Variants in ARHGEF2 observed in about 807,000 individuals in gnomAD.
The protein encoded by ARHGEF2 is rho guanine nucleotide exchange factor 2.
A neutral mutation model predicts 121.0 loss-of-function variants in ARHGEF2; 22 were observed. That is an observed-to-expected ratio of 0.18 (90% confidence interval 0.13 to 0.26). The LOEUF is 0.26. Ranked by LOEUF, ARHGEF2 falls within the 10% of genes least tolerant of loss-of-function variation. ARHGEF2 has a pLI of 1.00. For missense variants in ARHGEF2, 907 were observed against 1,336.0 expected (o/e 0.68, Z 5.01); for synonymous variants, 487 against 530.0 (o/e 0.92, Z 1.11).
At chr1:155,953,227 C>T (rs1253832176) in intron 14 of ARHGEF2, among the ~76,000 whole-genome samples, 1 of 148,390 alleles carries the variant, frequency 6.7e-6, no homozygotes, top group Non-Finnish European at 1.5e-5. Context: ...GATCACACCA[C>T]TGCACTCCAG....
chr1:155,951,291 C>T lies in ARHGEF2; in HGVS notation c.2260-19G>A, dbSNP rs1675403927. 4 of 1,587,908 alleles carry T rather than the reference C, an allele frequency of 2.5e-6. No homozygotes were observed. The highest frequency in any genetic ancestry group is 1.3e-5 in the African/African-American group (1 of 74,272). ...CAGCTGCCTGGGAGTAGAATGCAGG[C>T]AGAAGGGTTTATCAGAACCCCTGTG... On this transcript the variant is annotated intron_variant, in intron 19 of 21. Transcript: ENST00000361247. The surrounding 1 kb of genome is among the most constrained non-coding windows in gnomAD (Gnocchi z 5.1).
rs934672015 is a variant in ARHGEF2, at chr1:155,951,421, C to T, written c.2259+62G>A. On this transcript the variant is annotated intron_variant, in intron 19 of 21. Coordinates refer to ENST00000361247, the MANE Select transcript of ARHGEF2 (RefSeq NM_001162383.2). This position sits in a 1 kb window ranked among gnomAD's most constrained non-coding sequence, Gnocchi z 5.1. ...GGCCTGTTGGGATGACCATGCCCCACCTAAACAGGCATCTCTAGCCTGGCT... is the reference window on the plus strand; with the variant it reads ...GGCCTGTTGGGATGACCATGCCCCATCTAAACAGGCATCTCTAGCCTGGCT... 3.1e-6 allele frequency: 5 copies of T among 1,604,922 alleles called. No individual in the cohort carries two copies. The African/African-American group carries it at 6.7e-5, about 21-fold the overall frequency.
Position 155,950,311 on chromosome 1 carries a change from G to T in ARHGEF2, c.2875C>A (p.His959Asn). ...GCCAGGGTCTCACCTCGTGGACTGT[G>T]GGGCGGAGACAGACGGCTGCTACCT... is the stretch of plus-strand genomic sequence containing the variant. ...EEGSSRLSPP[H>N]SPRDFTRMQD... is the part of the protein sequence containing the mutation. Residue 959 changes from histidine to asparagine, a missense_variant, in exon 21 of 22, where the codon CAC becomes AAC. By Grantham distance (68) the His-to-Asn change is moderately conservative (BLOSUM62 1). Transcript: ENST00000361247. The surrounding 1 kb of genome is among the most constrained non-coding windows in gnomAD (Gnocchi z 5.2). The T allele has an allele frequency of 1.2e-6, 2 of 1,612,874 alleles. No individual in the cohort carries two copies. Among genetic ancestry groups the T allele is most frequent in the Non-Finnish European group, 1.7e-6 (2 of 1,179,980 alleles).
Position 155,966,449 on chromosome 1 carries a change from T to C in ARHGEF2, c.307A>G (p.Thr103Ala). The change falls in exon 4 of 22, where the codon ACC (threonine) becomes GCC (alanine). Residue 103 changes from threonine to alanine, a missense_variant. This residue lies in a region of ARHGEF2 where 475 missense variants were observed against 776.5 expected (regional missense o/e 0.61). Transcript: ENST00000361247. ...QQKAALLKNN[T>A]ALQSVSLRSK... ...CGAAGAGAAACGGACTGCAAGGCGGTGTTGTTCTTCAGCAGGGCCGCTTTC... is the reference window on the plus strand; with the variant it reads ...CGAAGAGAAACGGACTGCAAGGCGGCGTTGTTCTTCAGCAGGGCCGCTTTC... 1.9e-6 allele frequency: 3 copies of C among 1,613,942 alleles called. No individual in the cohort carries two copies. Among genetic ancestry groups the C allele is most frequent in the Non-Finnish European group, 2.5e-6 (3 of 1,179,962 alleles).
rs1030774148 is a variant in ARHGEF2 at position 155,978,362 on chromosome 1, C to T, written c.63+3G>A. On this transcript the variant is annotated splice_donor_region_variant and intron_variant, in intron 1 of 21. Coordinates refer to ENST00000361247, the MANE Select transcript of ARHGEF2 (RefSeq NM_001162383.2). This position sits in a 1 kb window ranked among gnomAD's most constrained non-coding sequence, Gnocchi z 4.1. ...GCGAAAGGAGAGGGGTTTCCGAGCCCACCTTGCTCGCCAGCTCTCTGCTCC... is the reference window on the plus strand; with the variant it reads ...GCGAAAGGAGAGGGGTTTCCGAGCCTACCTTGCTCGCCAGCTCTCTGCTCC... The T allele has an allele frequency of 3.3e-6, 5 of 1,512,448 alleles. No individual in the cohort carries two copies. In the Admixed American group the frequency reaches 1.0e-4, roughly 31 times the overall value. 93.7% of individuals were successfully genotyped at this position (1,512,448 alleles called of 1,614,324 possible).
rs761662977 is a variant in ARHGEF2, at chr1:155,972,220, T to C, written c.64-2920A>G. ...AATGCTCCACAGACAGCCCTGGTAC[T>C]CTGGGCCCTGCCTCCTCCACCTCCC... On this transcript the variant is annotated intron_variant, in intron 1 of 21. Coordinates refer to ENST00000361247, the MANE Select transcript of ARHGEF2 (RefSeq NM_001162383.2). 8.6e-6 allele frequency: 4 copies of C among 466,360 alleles called. No individual in the cohort carries two copies. In the East Asian group the frequency reaches 2.8e-4, roughly 32 times the overall value. 28.9% of individuals were successfully genotyped at this position (466,360 alleles called of 1,614,324 possible). A position where few individuals can be genotyped will look rare whatever the true frequency, so the allele number is the denominator to read the frequency against.
intron 1 of ARHGEF2, among the ~76,000 whole-genome samples, chr1:155,974,857 G>GA (rs895524155): frequency 6.6e-6 from 1 of 151,628 alleles, no homozygotes; most frequent in Non-Finnish European, 1.5e-5. Flanking sequence ...AAGAGAGGGG[G>GA]GGTAAGCGAT....
chr1:155,959,039 G>T (rs577534524), intron 11 of ARHGEF2, among the ~76,000 whole-genome samples: 1 of 152,090 alleles, frequency 6.6e-6, no homozygotes, highest in East Asian at 1.9e-4. Context: ...ACTGATTCAG[G>T]TTTCTTAACC....
intron 12 of ARHGEF2, 58 bp downstream of exon 12, chr1:155,958,262 G>T: frequency 6.8e-7 from 1 of 1,460,858 alleles, no homozygotes; most frequent in Non-Finnish European, 9.6e-7. Flanking sequence ...GGGCAGGAAA[G>T]CAAGAAGAGA....
At chr1:155,967,904 C>T (rs1406733826) in intron 2 of ARHGEF2, among the ~76,000 whole-genome samples, 5 of 152,142 alleles carry the variant, frequency 3.3e-5, no homozygotes, top group Non-Finnish European at 7.4e-5. Context: ...TCCACAAATA[C>T]AAGGCAAACA....
intron 7 of ARHGEF2, among the ~76,000 whole-genome samples, chr1:155,964,179 T>TATATAC (rs1678788953): frequency 1.9e-5 from 2 of 107,726 alleles, no homozygotes; most frequent in Non-Finnish European, 3.7e-5. Flanking sequence ...TATATATATA[T>TATATAC]ATATATATAT....
At chr1:155,967,901 A>G (rs1178580579) in intron 2 of ARHGEF2, among the ~76,000 whole-genome samples, 1 of 152,058 alleles carries the variant, frequency 6.6e-6, no homozygotes, top group African/African-American at 2.4e-5. Context: ...ACTTCCACAA[A>G]TACAAGGCAA....
At chr1:155,974,024 C>CT (rs879300909) in intron 1 of ARHGEF2, among the ~76,000 whole-genome samples, 36 of 145,514 alleles carry the variant, frequency 2.5e-4, no homozygotes, top group African/African-American at 3.5e-4. Context: ...TCTCATCTGA[C>CT]TTTTTTTTTT....
At chr1:155,948,223 A>G (rs2102622579) in intron 21 of ARHGEF2, among the ~76,000 whole-genome samples, 1 of 152,386 alleles carries the variant, frequency 6.6e-6, no homozygotes, top group Middle Eastern at 3.4e-3. Context: ...ACACTTTTAC[A>G]GTATCCAAAG....
chr1:155,971,058 TCTC>T (rs1281532509), intron 1 of ARHGEF2: 1 of 986,770 alleles, frequency 1.0e-6, no homozygotes, highest in Middle Eastern at 5.2e-4. Context: ...CCGCCACTGT[TCTC>T]CTCTCCCGCC....
chr1:155,952,254 A>C lies in ARHGEF2; in HGVS notation c.1985-19T>G, dbSNP rs1422047331. 1 of 1,613,350 alleles carries C rather than the reference A, an allele frequency of 6.2e-7. No individual in the cohort carries two copies. The highest frequency in any genetic ancestry group is 8.5e-7 in the Non-Finnish European group (1 of 1,179,970). On this transcript the variant is annotated intron_variant, in intron 15 of 21. Coordinates refer to ENST00000361247, the MANE Select transcript of ARHGEF2 (RefSeq NM_001162383.2). ...CCCTCCACTGTGGGGAAAGAGGAAG[A>C]GGTGAGAACAGGAATGACACAGGAC...
chr1:155,953,692 A>C (rs80325255), intron 14 of ARHGEF2, among the ~76,000 whole-genome samples: 1,620 of 148,170 alleles, frequency 0.011, 30 homozygotes, highest in African/African-American at 0.038. Flanking sequence ...CAGTGAGTCG[A>C]GATCACGCCA....
chr1:155,965,434 T>C lies in ARHGEF2; in HGVS notation c.471-22A>G, dbSNP rs1011155525. On this transcript the variant is annotated intron_variant, in intron 5 of 21. Coordinates refer to ENST00000361247, the MANE Select transcript of ARHGEF2 (RefSeq NM_001162383.2). The surrounding 1 kb of genome is among the most constrained non-coding windows in gnomAD (Gnocchi z 6.0). ...ATGTCTGAAGAAAGTGGAGGCTGTC[T>C]GCATCACCCCCAGTCGGGCAAAAGA... The C allele has an allele frequency of 6.2e-7, 1 of 1,610,348 alleles. No individual in the cohort carries two copies. The highest frequency in any genetic ancestry group is 1.7e-5 in the Admixed American group (1 of 60,010).
At position 155,950,475 on chromosome 1, in the gene ARHGEF2, C is replaced by T. The variant is rs1238289036; in HGVS notation, c.2711G>A (p.Arg904Gln). The T allele has an allele frequency of 5.6e-6, 9 of 1,613,606 alleles. No individual in the cohort carries two copies. The highest frequency in any genetic ancestry group is 2.2e-5 in the East Asian group (1 of 44,882). Residue 904 changes from arginine (R) to glutamine (Q), a missense_variant, in exon 21 of 22, where the codon CGA becomes CAA. This residue lies in a region of ARHGEF2 where 432 missense variants were observed against 559.5 expected (regional missense o/e 0.77). Coordinates refer to ENST00000361247, the MANE Select transcript of ARHGEF2 (RefSeq NM_001162383.2). The surrounding 1 kb of genome is among the most constrained non-coding windows in gnomAD (Gnocchi z 5.2). ...AGGTAGATCCAGGCGGTCAGTGCCT[C>T]GGCTGGGCTGTGGACAGTGGGCAGG... ...YLSFNPPQPSRGTDRLDLPVT... is the reference protein window; with the variant it reads ...YLSFNPPQPSQGTDRLDLPVT...
Sources: gnomAD v4.1 joint callset for allele counts (sites outside exome capture counted in the v4.1 genomes callset) on GRCh38, gnomAD v4.1.1 for gene constraint, gnomAD v4.1.1 regional missense constraint, Gnocchi (gnomAD v3.1) non-coding constraint, MANE v1.5 for transcripts, NCBI Gene and HGNC (gene_info 2026-07-23, HGNC 2026-07-21) for gene names.